NXN: variants seen among roughly 807,000 people sequenced by gnomAD.
NXN encodes the protein nucleoredoxin 1.
A neutral mutation model predicts 48.6 loss-of-function variants in NXN; 16 were observed. The observed-to-expected ratio is 0.33, with a 90% confidence interval of 0.22 to 0.50. The LOEUF is 0.50. Ranked by LOEUF, NXN falls within the 20% of genes least tolerant of loss-of-function variation. NXN has a pLI of 0.98. For missense variants in NXN, 492 were observed against 605.5 expected (o/e 0.81, Z 1.97); for synonymous variants, 281 against 269.6 (o/e 1.04, Z -0.41).
intron 1 of NXN, among the ~76,000 whole-genome samples, chr17:868,774 G>C (rs2144800711): frequency 6.6e-6 from 1 of 152,280 alleles, no homozygotes; most frequent in South Asian, 2.1e-4. Context: ...TGACAGGCGT[G>C]AGCCACCGCA....
At chr17:875,883 T>C (rs2068208780) in intron 1 of NXN, among the ~76,000 whole-genome samples, 2 of 152,094 alleles carry the variant, frequency 1.3e-5, no homozygotes, top group South Asian at 4.1e-4. Flanking sequence ...AGGTGTTGGC[T>C]ACTTTCAAAA....
chr17:927,065 G>C (rs1328515432), intron 1 of NXN, among the ~76,000 whole-genome samples: 1 of 151,950 alleles, frequency 6.6e-6, no homozygotes, highest in Non-Finnish European at 1.5e-5. Context: ...TGTCATCCTA[G>C]CACTTTGGGA....
intron 1 of NXN, among the ~76,000 whole-genome samples, chr17:896,403 C>T (rs995130831): frequency 2.0e-5 from 3 of 150,464 alleles, no homozygotes; most frequent in East Asian, 4.0e-4. Context: ...CCTAACTACT[C>T]GGGAGGCTGA....
intron 1 of NXN, among the ~76,000 whole-genome samples, chr17:923,758 G>T (rs530397250): frequency 6.6e-6 from 1 of 152,264 alleles, no homozygotes; most frequent in Non-Finnish European, 1.5e-5. Context: ...CAGCATAAAA[G>T]AAACAGATAG....
At chr17:910,670 A>ATT (rs2068627644) in intron 1 of NXN, 1 of 152,222 alleles carries the variant, frequency 6.6e-6, no homozygotes, top group East Asian at 1.9e-4. Context: ...TAATGCCAAC[A>ATT]AATGTGCTCG....
At chr17:918,382 G>C (rs957442680) in intron 1 of NXN, among the ~76,000 whole-genome samples, 1 of 152,146 alleles carries the variant, frequency 6.6e-6, no homozygotes, top group Non-Finnish European at 1.5e-5. Flanking sequence ...TCATCGCAGC[G>C]TTTCATCTCC....
At chr17:813,966 T>TA (rs940525824) in intron 5 of NXN, among the ~76,000 whole-genome samples, 60 of 113,312 alleles carry the variant, frequency 5.3e-4, no homozygotes, top group Admixed American at 1.0e-3. Context: ...AGACTCTGTC[T>TA]AAAAAAAAAA....
chr17:808,752 G>A (rs1911735660), intron 5 of NXN, among the ~76,000 whole-genome samples: 1 of 143,476 alleles, frequency 7.0e-6, no homozygotes, highest in African/African-American at 2.6e-5. Flanking sequence ...TCAGCTCCCT[G>A]CAGCCTCCGC....
chr17:972,859 G>A (rs1057419340), intron 1 of NXN, among the ~76,000 whole-genome samples: 6 of 151,952 alleles, frequency 3.9e-5, no homozygotes, highest in Non-Finnish European at 5.9e-5. Context: ...GTGAAACCCC[G>A]TCTCTACTAA....
chr17:838,925 G>C (rs146237083), intron 1 of NXN, among the ~76,000 whole-genome samples: 428 of 152,330 alleles, frequency 2.8e-3, no homozygotes, highest in African/African-American at 9.9e-3. Context: ...AGGCCGTGTG[G>C]GATAGATCAA....
chr17:841,543 ACGCCGGCGAGCAGGTCCCCCCTGAC>A (rs1377458650), intron 1 of NXN, among the ~76,000 whole-genome samples: 33 of 97,212 alleles, frequency 3.4e-4, no homozygotes, highest in Non-Finnish European at 5.2e-4. Context: ...GGAGCATCTC[ACGCCGGCGAGCAGGTCCCCCCTGAC>A]CACGGAGCAT....
At chr17:804,727 G>A (rs1161288132) in intron 6 of NXN, among the ~76,000 whole-genome samples, 2 of 152,212 alleles carry the variant, frequency 1.3e-5, no homozygotes, top group Admixed American at 6.5e-5. Flanking sequence ...GGTGAGCCTC[G>A]GCCAGAGGGG....
intron 1 of NXN, among the ~76,000 whole-genome samples, chr17:969,017 T>C (rs1597286563): frequency 6.6e-6 from 1 of 152,102 alleles, no homozygotes; most frequent in South Asian, 2.1e-4. Flanking sequence ...GGTTCTGTGA[T>C]AGTCTCTAGA....
In NXN at chr17:888,461, T is replaced by A. The variant is rs574357095; in HGVS notation, c.361-62383A>T. On this transcript the variant is annotated intron_variant, in intron 1 of 7. Transcript: ENST00000336868. ...GCAAAGAAATCCTGGGCTTAAAGGA[T>A]CTGGCCACCTTGGCCCCCCAAAGTC... 3.3e-5 allele frequency among the ~76,000 whole-genome samples: 5 copies of A among 152,226 alleles called. No homozygotes were observed. In the South Asian group the frequency reaches 1.0e-3, roughly 32 times the overall value.
chr17:924,670 C>G (rs1263310286), intron 1 of NXN, among the ~76,000 whole-genome samples: 2 of 152,218 alleles, frequency 1.3e-5, no homozygotes, highest in Admixed American at 1.3e-4. Context: ...GTCTCCAGAA[C>G]TTTCCATCTT....
chr17:819,432 C>T lies in NXN; in HGVS notation c.820+7G>A, dbSNP rs148834799. Reference sequence around the variant, plus strand: ...AGCCACACGGAGCCGGGGCCTGGAGCGCCTACCTTGGATTCCGTACAGCCG... The same window carrying T: ...AGCCACACGGAGCCGGGGCCTGGAGTGCCTACCTTGGATTCCGTACAGCCG... On this transcript the variant is annotated splice_region_variant and intron_variant, in intron 5 of 7. Transcript: ENST00000336868. 68 of 1,611,948 alleles carry T rather than the reference C, an allele frequency of 4.2e-5. No homozygotes were observed. In the African/African-American group the frequency reaches 7.1e-4, roughly 17 times the overall value.
intron 5 of NXN, among the ~76,000 whole-genome samples, chr17:812,669 T>TGC (rs1567812508): frequency 3.3e-5 from 5 of 150,598 alleles, no homozygotes; most frequent in African/African-American, 9.8e-5. Context: ...TGTAGGTGTG[T>TGC]GTGAGTGTAG....
chr17:834,428 G>A (rs1022317002), intron 1 of NXN, among the ~76,000 whole-genome samples: 4 of 152,058 alleles, frequency 2.6e-5, no homozygotes, highest in Admixed American at 2.6e-4. Context: ...TCCACCCAGG[G>A]TGCATTTTGT....
intron 1 of NXN, among the ~76,000 whole-genome samples, chr17:967,112 C>T (rs868209086): frequency 6.6e-6 from 1 of 151,776 alleles, no homozygotes. Context: ...AGCCCCCCCA[C>T]AGCCCCCAGG....
Sources: allele counts gnomAD v4.1 joint callset (sites outside exome capture counted in the v4.1 genomes callset), GRCh38; gene constraint gnomAD v4.1.1; transcripts MANE v1.5; gene names NCBI Gene and HGNC (gene_info 2026-07-23, HGNC 2026-07-21).